CDK14: variants seen among roughly 807,000 people sequenced by gnomAD.
CDK14 encodes the protein cyclin-dependent kinase 14.
In CDK14, 34 loss-of-function variants were observed where a neutral mutation model predicts 60.7. The ratio of observed to expected loss-of-function variants is 0.56; its 90% CI spans 0.43 to 0.75. The LOEUF is 0.75. CDK14 is among the 30% of genes least tolerant of loss of function. The pLI, the probability that CDK14 is intolerant of heterozygous loss-of-function variation, is 0.00. For missense variants in CDK14, 482 were observed against 564.1 expected, an observed-to-expected ratio of 0.85 and a Z score of 1.47; for synonymous variants, 197 against 203.7, an observed-to-expected ratio of 0.97 and a Z score of 0.28.
chr7:90,730,081 C>T (rs1364308724), intron 3 of CDK14, among the ~76,000 whole-genome samples: 1 of 152,060 alleles, frequency 6.6e-6, no homozygotes, highest in Non-Finnish European at 1.5e-5. Context: ...GTTTAACTCC[C>T]ACTTATGAGT....
intron 7 of CDK14, among the ~76,000 whole-genome samples, chr7:90,910,462 T>C (rs961472367): frequency 5.9e-5 from 9 of 152,296 alleles, no homozygotes; most frequent in African/African-American, 2.2e-4. Context: ...TTTTAACTTC[T>C]AGGAAGTTGG....
chr7:91,013,527 C>T (rs1257942213), intron 10 of CDK14, among the ~76,000 whole-genome samples: 2 of 152,140 alleles, frequency 1.3e-5, no homozygotes, highest in Non-Finnish European at 2.9e-5. Flanking sequence ...TTTCTCCTTT[C>T]CTGTTAAAAT....
At chr7:90,888,098 T>C (rs955836369) in intron 6 of CDK14, among the ~76,000 whole-genome samples, 3 of 152,144 alleles carry the variant, frequency 2.0e-5, no homozygotes, top group Admixed American at 1.3e-4. Flanking sequence ...ACACCTGTAA[T>C]CCCAGCACTT....
At chr7:90,998,039 T>C (rs1159021078) in intron 10 of CDK14, among the ~76,000 whole-genome samples, 1 of 152,220 alleles carries the variant, frequency 6.6e-6, no homozygotes, top group African/African-American at 2.4e-5. Context: ...ACCAAAAATC[T>C]TTTTTAGGCA....
At chr7:90,809,793 C>T (rs1789014373) in intron 5 of CDK14, among the ~76,000 whole-genome samples, 1 of 152,056 alleles carries the variant, frequency 6.6e-6, no homozygotes, top group Non-Finnish European at 1.5e-5. Context: ...GGGATATCAC[C>T]ACCAATCCCA....
At chr7:90,924,623 T>C (rs1197355392) in intron 8 of CDK14, among the ~76,000 whole-genome samples, 1 of 152,246 alleles carries the variant, frequency 6.6e-6, no homozygotes. Flanking sequence ...GCACATGTTT[T>C]CTAAAATCTT....
chr7:91,091,305 CA>C (rs1233025432), intron 12 of CDK14, among the ~76,000 whole-genome samples: 2 of 140,204 alleles, frequency 1.4e-5, no homozygotes, highest in East Asian at 4.0e-4. Flanking sequence ...TTTATATATA[CA>C]TATATAATTT....
At chr7:90,984,772 A>C (rs1368445571) in intron 10 of CDK14, among the ~76,000 whole-genome samples, 1 of 152,168 alleles carries the variant, frequency 6.6e-6, no homozygotes, top group Non-Finnish European at 1.5e-5. Flanking sequence ...ATGGCACCTC[A>C]CCTCTGTGGT....
intron 7 of CDK14, among the ~76,000 whole-genome samples, chr7:90,901,361 G>A (rs1167178364): frequency 6.6e-6 from 1 of 152,108 alleles, no homozygotes; most frequent in Admixed American, 6.6e-5. Context: ...TTTATATACA[G>A]CAGGAACTTT....
Position 90,718,416 on chromosome 7 carries a change from CA to C in CDK14, c.124-8150del, listed in dbSNP as rs1802328939. Among the ~76,000 whole-genome samples the C allele has an allele frequency of 2.0e-5, 3 of 152,108 alleles. No homozygotes were observed. The South Asian group carries it at 6.2e-4, about 32-fold the overall frequency. On this transcript the variant is annotated intron_variant, in intron 2 of 14. Coordinates refer to ENST00000380050, the MANE Select transcript of CDK14 (RefSeq NM_001287135.2). ...AGTTGACCTATCTAAAATTATTTACCAGCTGCAAACTGCTGCCTAAAGTTCA... is the reference window on the plus strand; with the variant it reads ...AGTTGACCTATCTAAAATTATTTACCGCTGCAAACTGCTGCCTAAAGTTCA...
At chr7:91,065,869 G>A (rs1797960140) in intron 11 of CDK14, among the ~76,000 whole-genome samples, 3 of 152,180 alleles carry the variant, frequency 2.0e-5, no homozygotes, top group Non-Finnish European at 4.4e-5. Context: ...TGTGTTATTT[G>A]TAACATAAAC....
At chr7:91,117,353 A>C (rs1303529246) in intron 13 of CDK14, among the ~76,000 whole-genome samples, 1 of 150,552 alleles carries the variant, frequency 6.6e-6, no homozygotes, top group Non-Finnish European at 1.5e-5. Context: ...ACCATCTTTC[A>C]CCCACATTTT....
intron 8 of CDK14, among the ~76,000 whole-genome samples, chr7:90,932,623 A>G (rs1793628661): frequency 6.6e-6 from 1 of 152,226 alleles, no homozygotes; most frequent in Admixed American, 6.5e-5. Context: ...AAATGTTGGT[A>G]TATTAGCTGT....
chr7:91,108,606 A>T (rs1469645376), intron 12 of CDK14, among the ~76,000 whole-genome samples: 1 of 152,246 alleles, frequency 6.6e-6, no homozygotes, highest in East Asian at 1.9e-4. Context: ...CTGTATGGCT[A>T]TTTGCCTGCC....
At chr7:90,854,482 A>G (rs946308331) in intron 5 of CDK14, among the ~76,000 whole-genome samples, 5 of 152,258 alleles carry the variant, frequency 3.3e-5, no homozygotes, top group African/African-American at 1.2e-4. Flanking sequence ...ATGAGCTGTG[A>G]TTACACCTTG....
Position 90,952,435 on chromosome 7 carries a change from G to A in CDK14, c.827-3262G>A, listed in dbSNP as rs1562842616. ...CCAAGATTCTGCTATGCTAGTATCA[G>A]GGTAGCTCAACTTTGAATCATTGGC... On this transcript the variant is annotated intron_variant, in intron 8 of 14. Transcript: ENST00000380050. 2.0e-5 allele frequency among the ~76,000 whole-genome samples: 3 copies of A among 152,166 alleles called. No homozygotes were observed. The South Asian group carries it at 6.2e-4, about 32-fold the overall frequency.
intron 4 of CDK14, among the ~76,000 whole-genome samples, chr7:90,779,128 C>T (rs766238268): frequency 5.9e-5 from 9 of 152,042 alleles, no homozygotes; most frequent in Non-Finnish European, 1.0e-4. Context: ...TGGTGCATAC[C>T]TGTAATCTCA....
At chr7:90,680,260 G>A (rs1031127393) in intron 2 of CDK14, among the ~76,000 whole-genome samples, 2 of 151,910 alleles carry the variant, frequency 1.3e-5, no homozygotes, top group East Asian at 3.9e-4. Flanking sequence ...TATCTGCCTC[G>A]GACTTATTGA....
intron 4 of CDK14, among the ~76,000 whole-genome samples, chr7:90,769,705 G>A (rs931958921): frequency 1.3e-5 from 2 of 152,098 alleles, no homozygotes; most frequent in Admixed American, 6.5e-5. Context: ...GACCTCAGGC[G>A]ATCCATCCAC....
Sources: allele counts gnomAD v4.1 joint callset (sites outside exome capture counted in the v4.1 genomes callset), GRCh38; gene constraint gnomAD v4.1.1; transcripts MANE v1.5; gene names NCBI Gene and HGNC (gene_info 2026-07-23, HGNC 2026-07-21).